The following HTR2C variants were observed in gnomAD, a reference collection of about 807,000 sequenced individuals.
HTR2C encodes 5-hydroxytryptamine (serotonin) receptor 2C, G protein-coupled.
Under a neutral mutation model 21.0 loss-of-function variants are expected in HTR2C, and 5 were observed. The ratio of observed to expected loss-of-function variants is 0.24; its 90% CI spans 0.12 to 0.50. HTR2C has a LOEUF of 0.50. Among genes scored for constraint, HTR2C ranks in the 20% least tolerant of loss-of-function variants. HTR2C has a pLI of 0.98. For missense variants in HTR2C, 271 were observed against 371.2 expected, an observed-to-expected ratio of 0.73 and a Z score of 2.22; for synonymous variants, 150 against 145.3, an observed-to-expected ratio of 1.03 and a Z score of -0.23.
At chrX:114,585,378 T>C (rs78249024) in intron 1 of HTR2C, among the ~76,000 whole-genome samples, 2 of 111,119 alleles carry the variant, frequency 1.8e-5, no homozygotes, top group Non-Finnish European at 3.8e-5. Flanking sequence ...TTTAAATAAT[T>C]AATTAGCTTA....
intron 4 of HTR2C, among the ~76,000 whole-genome samples, chrX:114,836,577 G>A (rs1400199635): frequency 1.8e-5 from 2 of 111,867 alleles, no homozygotes; most frequent in Non-Finnish European, 3.8e-5. Context: ...TGCACGGTGC[G>A]TGCACCCACT....
intron 2 of HTR2C, among the ~76,000 whole-genome samples, chrX:114,616,697 TATAG>T (rs1429647875): frequency 2.7e-5 from 3 of 112,369 alleles, no homozygotes; most frequent in African/African-American, 9.7e-5. Context: ...TCTACTGTGC[TATAG>T]ATGTATGTAT....
chrX:114,708,555 C>T (rs1360216800), intron 2 of HTR2C, among the ~76,000 whole-genome samples: 1 of 111,449 alleles, frequency 9.0e-6, no homozygotes, highest in African/African-American at 3.3e-5. Flanking sequence ...AATCTCAGCC[C>T]TACTTTGGGA....
In HTR2C at chrX:114,807,364, T is replaced by TATATATACGCC. The variant is rs2070481217; in HGVS notation, c.350-40635_350-40634insATACGCCATAT. On this transcript the variant is annotated intron_variant, in intron 4 of 5. Transcript: ENST00000276198. ...GTATCTATACCATATATATACACCA[T>TATATATACGCC]ATATCTATACCATATATATACGCCA... Among the ~76,000 whole-genome samples, 6 of 29,769 alleles carry TATATATACGCC rather than the reference T, an allele frequency of 2.0e-4. 3 individuals are homozygous for TATATATACGCC. The highest frequency in any genetic ancestry group is 6.3e-4 in the African/African-American group (6 of 9,450). The allele number at this position is 29,769 out of a possible 115,157, so 25.9% of individuals were successfully genotyped here. A position where few individuals can be genotyped will look rare whatever the true frequency, so the allele number is the denominator to read the frequency against.
chrX:114,864,551 A>G (rs893617845), intron 5 of HTR2C, among the ~76,000 whole-genome samples: 3 of 111,511 alleles, frequency 2.7e-5, no homozygotes, highest in Non-Finnish European at 5.7e-5. Context: ...AGCAATGCGT[A>G]TAATTTATAC....
chrX:114,827,702 C>G (rs1257988633), intron 4 of HTR2C, among the ~76,000 whole-genome samples: 3 of 110,794 alleles, frequency 2.7e-5, no homozygotes, highest in African/African-American at 6.5e-5. Flanking sequence ...TTCCTAGTTT[C>G]CCTTCACCTG....
rs1366826267 is a variant in HTR2C, at chrX:114,705,550, A to C, written c.-79-21308A>C. On this transcript the variant is annotated intron_variant, in intron 2 of 5. Coordinates refer to ENST00000276198, the MANE Select transcript of HTR2C (RefSeq NM_000868.4). Reference sequence around the variant, plus strand: ...ATCTCTTCCTTACACCTTATACAAAAATTAATTCAAGATGGATTAAAGACT... The same window carrying C: ...ATCTCTTCCTTACACCTTATACAAACATTAATTCAAGATGGATTAAAGACT... Among the ~76,000 whole-genome samples the C allele has an allele frequency of 9.2e-5, 10 of 108,638 alleles. No homozygotes were observed. The South Asian group carries it at 4.1e-3, about 45-fold the overall frequency. 94.3% of individuals were successfully genotyped at this position (108,638 alleles called of 115,157 possible).
chrX:114,782,341 G>A (rs1323049337), intron 4 of HTR2C, among the ~76,000 whole-genome samples: 1 of 111,119 alleles, frequency 9.0e-6, no homozygotes, highest in African/African-American at 3.3e-5. Context: ...TAGAAGGTCT[G>A]AGGAGCAAAA....
intron 2 of HTR2C, among the ~76,000 whole-genome samples, chrX:114,711,996 A>G (rs1932899151): frequency 8.9e-6 from 1 of 112,147 alleles, no homozygotes; most frequent in African/African-American, 3.2e-5. Context: ...ACAAAAGAAA[A>G]TAATGGCTCT....
At chrX:114,777,019 G>A (rs1000228538) in intron 4 of HTR2C, among the ~76,000 whole-genome samples, 22 of 111,947 alleles carry the variant, frequency 2.0e-4, no homozygotes, top group Non-Finnish European at 3.2e-4. Context: ...GCACCAAAGC[G>A]TAAGTAAAAT....
intron 2 of HTR2C, among the ~76,000 whole-genome samples, chrX:114,704,922 C>T (rs1318865290): frequency 7.5e-5 from 8 of 107,086 alleles, no homozygotes; most frequent in Non-Finnish European, 5.8e-5. Context: ...AACAGACAAA[C>T]GGAGAGCCAA....
chrX:114,684,047 T>G, intron 2 of HTR2C, among the ~76,000 whole-genome samples: 1 of 112,220 alleles, frequency 8.9e-6, no homozygotes, highest in Non-Finnish European at 1.9e-5. Flanking sequence ...TATATTTAAT[T>G]AATATAAATT....
chrX:114,589,793 G>A, intron 1 of HTR2C: 1 of 304,134 alleles, frequency 3.3e-6, no homozygotes, highest in South Asian at 3.6e-5. Context: ...TCGGAAAAAA[G>A]CTAAAACTAC....
chrX:114,594,885 C>G (rs1273434169), intron 1 of HTR2C, among the ~76,000 whole-genome samples: 1 of 111,352 alleles, frequency 9.0e-6, no homozygotes, highest in Admixed American at 9.6e-5. Context: ...GTTTTCTCCT[C>G]CCTAATTTTT....
At chrX:114,702,994 C>T (rs1321210718) in intron 2 of HTR2C, among the ~76,000 whole-genome samples, 3 of 74,392 alleles carry the variant, frequency 4.0e-5, no homozygotes, top group African/African-American at 1.3e-4. Context: ...GGGATCAGTT[C>T]AACAAGAAGA....
chrX:114,810,104 C>A (rs1602827074), intron 4 of HTR2C, among the ~76,000 whole-genome samples: 1 of 111,844 alleles, frequency 8.9e-6, no homozygotes, highest in African/African-American at 3.3e-5. Flanking sequence ...GGCATCAGGA[C>A]TCTGCCTGGT....
Position 114,611,843 on chromosome X carries a change from G to A in HTR2C, c.-146-1972G>A, listed in dbSNP as rs1928750495. On this transcript the variant is annotated intron_variant, in intron 1 of 5. Transcript: ENST00000276198. Reference sequence around the variant, plus strand: ...CTCCCGAGTAGCTGAGACTATAGGCGCCCGCCACCACGCCCGGCTATTTTT... The same window carrying A: ...CTCCCGAGTAGCTGAGACTATAGGCACCCGCCACCACGCCCGGCTATTTTT... 3.6e-5 allele frequency among the ~76,000 whole-genome samples: 4 copies of A among 110,968 alleles called. No homozygotes were observed. The South Asian group carries it at 1.1e-3, about 32-fold the overall frequency.
At chrX:114,820,026 C>T (rs1038651161) in intron 4 of HTR2C, among the ~76,000 whole-genome samples, 2 of 110,067 alleles carry the variant, frequency 1.8e-5, no homozygotes, top group Non-Finnish European at 3.8e-5. Context: ...GTTGTTCTGT[C>T]CAAACCACAA....
At position 114,686,697 on chromosome X, in the gene HTR2C, T is replaced by A. The variant is rs782118460; in HGVS notation, c.-79-40161T>A. On this transcript the variant is annotated intron_variant, in intron 2 of 5. Transcript: ENST00000276198. ...TATTTATATATTTTATTTAAAAAAT[T>A]TTTTTAAATAACATTTAAAAACAGG... Among the ~76,000 whole-genome samples the A allele has an allele frequency of 2.7e-3, 303 of 110,402 alleles. 2 individuals carry two copies. Among genetic ancestry groups the A allele is most frequent in the Non-Finnish European group, 4.7e-3 (250 of 52,696 alleles).
Sources: allele counts gnomAD v4.1 joint callset (sites outside exome capture counted in the v4.1 genomes callset), GRCh38; gene constraint gnomAD v4.1.1; transcripts MANE v1.5; gene names NCBI Gene and HGNC (gene_info 2026-07-23, HGNC 2026-07-21).